Variants in NUDC observed in about 807,000 individuals in gnomAD.
The protein encoded by NUDC is nuclear migration protein nudC.
NUDC carries 14 observed loss-of-function variants against 45.0 expected under a neutral mutation model. The ratio of observed to expected loss-of-function variants is 0.31; its 90% CI spans 0.21 to 0.49. The LOEUF is 0.49. Ranked by LOEUF, NUDC falls within the 20% of genes least tolerant of loss-of-function variation. The pLI is 0.99. For synonymous variants in NUDC, 153 were observed against 156.7 expected, an observed-to-expected ratio of 0.98 and a Z score of 0.17; for missense variants, 323 against 426.2, an observed-to-expected ratio of 0.76 and a Z score of 2.13.
At chr1:26,915,265 T>C (rs2082056575) in intron 3 of NUDC, among the ~76,000 whole-genome samples, 1 of 152,092 alleles carries the variant, frequency 6.6e-6, no homozygotes, top group Admixed American at 6.6e-5. Flanking sequence ...TCCTTGTTTG[T>C]TTCCCTGGAC....
intron 2 of NUDC, among the ~76,000 whole-genome samples, chr1:26,904,128 C>G (rs1476850878): frequency 6.8e-6 from 1 of 147,208 alleles, no homozygotes; most frequent in East Asian, 1.9e-4. Context: ...ACCATTATAT[C>G]TAGGTTTAAA....
At position 26,921,774 on chromosome 1, in the gene NUDC, C is replaced by A. The variant is rs962896215; in HGVS notation, c.-75C>A. 2 of 1,482,506 alleles carry A rather than the reference C, an allele frequency of 1.3e-6. No individual in the cohort carries two copies. The highest frequency in any genetic ancestry group is 1.8e-6 in the Non-Finnish European group (2 of 1,088,248). The allele number at this position is 1,482,506 out of a possible 1,614,324, so 91.8% of individuals were successfully genotyped here. ...GGCGGACGACTAGAGTCGTTGGGCC[C>A]GGCGCGACCCGCAGGAGCGTAGAGA... On this transcript the variant is annotated 5_prime_UTR_variant, in exon 1 of 9. Transcript: ENST00000321265.
At chr1:26,922,339 G>A in intron 1 of NUDC, 1 of 281,974 alleles carries the variant, frequency 3.5e-6, no homozygotes, top group South Asian at 3.4e-5. Flanking sequence ...TTAGCACGTG[G>A]TCTTGTTAGG....
At chr1:26,915,819 T>C (rs1424814895) in intron 3 of NUDC, among the ~76,000 whole-genome samples, 2 of 152,168 alleles carry the variant, frequency 1.3e-5, no homozygotes, top group African/African-American at 4.8e-5. Flanking sequence ...GGCACACCTC[T>C]TTCATTTGAT....
intron 2 of NUDC, among the ~76,000 whole-genome samples, chr1:26,932,716 G>A (rs2082193789): frequency 6.6e-6 from 1 of 152,128 alleles, no homozygotes; most frequent in South Asian, 2.1e-4. Context: ...TTAGGGAACT[G>A]AAACCCTGTA....
At chr1:26,920,594 T>G (rs1343466920), upstream of NUDC, among the ~76,000 whole-genome samples, 1 of 149,378 alleles carries the variant, frequency 6.7e-6, no homozygotes, top group Non-Finnish European at 1.5e-5. Context: ...ATTGGAGAGG[T>G]AGCAGCAGAA....
At position 26,941,594 on chromosome 1, in the gene NUDC, C is replaced by T; in HGVS notation, c.297C>T (p.Thr99=). ...ARLAKEAKSE[T]SGPQIKELTD... is the part of the protein sequence containing the mutation. ...TGGCCAAGGAAGCCAAGTCAGAGAC[C>T]TCAGGGCCCCAGATCAAGGAGCTAA... The change falls in exon 3 of 9, where the codon ACC becomes ACT. Residue 99 remains threonine (T), a synonymous_variant. Transcript: ENST00000321265. The T allele has an allele frequency of 2.5e-6, 4 of 1,612,468 alleles. No individual in the cohort carries two copies. The highest frequency in any genetic ancestry group is 2.5e-6 in the Non-Finnish European group (3 of 1,179,340).
chr1:26,941,567 A>T lies in NUDC; in HGVS notation c.270A>T (p.Arg90Ser), dbSNP rs1255688349. Reference sequence around the variant, plus strand: ...GGGAGAAGGCGGAGCGGGCGGCCAGACTGGCCAAGGAAGCCAAGTCAGAGA... The same window carrying T: ...GGGAGAAGGCGGAGCGGGCGGCCAGTCTGGCCAAGGAAGCCAAGTCAGAGA... ...ERREKAERAA[R>S]LAKEAKSETS... The change falls in exon 3 of 9, where the codon AGA (arginine) becomes AGT (serine). Residue 90 changes from arginine (R) to serine (S), a missense_variant. Arg to Ser is a moderately radical substitution (Grantham distance 110, BLOSUM62 -1). Coordinates refer to ENST00000321265, the MANE Select transcript of NUDC (RefSeq NM_006600.4). 1 of 1,611,676 alleles carries T rather than the reference A, an allele frequency of 6.2e-7. No homozygotes were observed. The highest frequency in any genetic ancestry group is 8.5e-7 in the Non-Finnish European group (1 of 1,179,132).
At position 26,905,161 on chromosome 1, in the gene NUDC, T is replaced by TA. The variant is rs1557664119; in HGVS notation, c.-16+2795_-16+2796insA. On this transcript the variant is annotated intron_variant, in intron 2 of 6. Transcript: ENST00000435827. ...CCTATTATTATTATTATTATTATTT[T>TA]TTTTTTTTTTTTTTTTTGAGACAGA... is the stretch of plus-strand genomic sequence containing the variant. 2.5e-4 allele frequency among the ~76,000 whole-genome samples: 34 copies of TA among 135,654 alleles called. 1 individual carries two copies. The highest frequency in any genetic ancestry group is 2.5e-3 in the South Asian group (10 of 4,076). 89.0% of individuals were successfully genotyped at this position (135,654 alleles called of 152,430 possible).
Position 26,946,116 on chromosome 1 carries a change from T to G in NUDC, c.945-14T>G, listed in dbSNP as rs1274700584. ...AGAAGGATGAGCTGTTTCATCTTGC[T>G]TCCGTTTCTCCAGGTTCATGGATCA... On this transcript the variant is annotated splice_polypyrimidine_tract_variant and intron_variant, in intron 8 of 8. Coordinates refer to ENST00000321265, the MANE Select transcript of NUDC (RefSeq NM_006600.4). 1 of 1,613,416 alleles carries G rather than the reference T, an allele frequency of 6.2e-7. No individual in the cohort carries two copies. Among genetic ancestry groups the G allele is most frequent in the South Asian group, 1.1e-5 (1 of 91,074 alleles).
At chr1:26,905,361 A>G (rs2081998847) in intron 2 of NUDC, among the ~76,000 whole-genome samples, 1 of 150,946 alleles carries the variant, frequency 6.6e-6, no homozygotes, top group African/African-American at 2.4e-5. Context: ...GGGTTTCACC[A>G]TGCTGGCCAG....
chr1:26,933,879 G>A (rs2082203986), intron 2 of NUDC, among the ~76,000 whole-genome samples: 2 of 152,174 alleles, frequency 1.3e-5, no homozygotes, highest in South Asian at 4.1e-4. Context: ...TTACGGCTGG[G>A]CACGGTGGCT....
intron 2 of NUDC, among the ~76,000 whole-genome samples, chr1:26,936,395 G>C (rs1303627254): frequency 6.6e-6 from 1 of 150,654 alleles, no homozygotes; most frequent in Non-Finnish European, 1.5e-5. Flanking sequence ...TCTCCAAGTT[G>C]GTCAGGCTGG....
chr1:26,922,806 C>G (rs1440517902), intron 1 of NUDC, among the ~76,000 whole-genome samples: 2 of 152,134 alleles, frequency 1.3e-5, no homozygotes, highest in African/African-American at 4.8e-5. Context: ...CCTATGTAAC[C>G]TAGGTGTCTG....
chr1:26,904,687 C>T (rs928506787), intron 2 of NUDC, among the ~76,000 whole-genome samples: 1 of 152,106 alleles, frequency 6.6e-6, no homozygotes, highest in Non-Finnish European at 1.5e-5. Flanking sequence ...CACTTATTAA[C>T]TGTGTAACCT....
chr1:26,924,340 T>G (rs2082114726), intron 2 of NUDC, among the ~76,000 whole-genome samples, 174 bp downstream of exon 2: 1 of 152,144 alleles, frequency 6.6e-6, no homozygotes, highest in Non-Finnish European at 1.5e-5. Flanking sequence ...TGCTCAGCCC[T>G]CTATCTACCT....
intron 2 of NUDC, among the ~76,000 whole-genome samples, chr1:26,936,134 AATATATATATATATATAT>A (rs1215586103): frequency 2.1e-3 from 14 of 6,812 alleles, no homozygotes; most frequent in Non-Finnish European, 2.5e-3. Context: ...ACGCCCGGCT[AATATATATATATATATAT>A]ATATATATAT....
intron 3 of NUDC, chr1:26,911,683 C>T: frequency 3.7e-6 from 3 of 821,284 alleles, no homozygotes; most frequent in Non-Finnish European, 6.0e-6. Context: ...CCAAGGAAGT[C>T]CAATGTGGGG....
chr1:26,907,153 C>T (rs75660835), intron 2 of NUDC, among the ~76,000 whole-genome samples: 6,799 of 152,298 alleles, frequency 0.045, 210 homozygotes, highest in Middle Eastern at 0.082. Flanking sequence ...GCACCTCTTG[C>T]TCTCTGACAT....
Sources: allele counts gnomAD v4.1 joint callset (sites outside exome capture counted in the v4.1 genomes callset), GRCh38; gene constraint gnomAD v4.1.1; transcripts MANE v1.5; gene names NCBI Gene and HGNC (gene_info 2026-07-23, HGNC 2026-07-21).